FAM171A1: variants seen among roughly 807,000 people sequenced by gnomAD.
The protein encoded by FAM171A1 is protein FAM171A1.
In FAM171A1, 23 loss-of-function variants were observed where a neutral mutation model predicts 74.9. The ratio of observed to expected loss-of-function variants is 0.31; its 90% confidence interval spans 0.22 to 0.44. The LOEUF (loss-of-function observed/expected upper bound fraction) is 0.44. FAM171A1 is among the 20% of genes least tolerant of loss of function. FAM171A1 has a pLI of 1.00. For synonymous variants in FAM171A1, 527 were observed against 505.7 expected (o/e 1.04, Z -0.57); for missense variants, 1,162 against 1,159.2 (o/e 1.00, Z -0.03).
chr10:15,243,402 T>G lies in FAM171A1; in HGVS notation c.754+5237A>C, dbSNP rs185912381. Among the ~76,000 whole-genome samples, 163 of 152,284 alleles carry G rather than the reference T, an allele frequency of 1.1e-3. 2 individuals carry two copies. Among genetic ancestry groups the G allele is most frequent in the Non-Finnish European group, 2.5e-4 (17 of 68,026 alleles). ...GGTAATATCCACAGGGCCTGGAGAT[T>G]AGGATGCAGAGATAGTTCCATCTGC... On this transcript the variant is annotated intron_variant, in intron 5 of 7. Transcript: ENST00000378116.
intron 1 of FAM171A1, among the ~76,000 whole-genome samples, chr10:15,297,934 A>C (rs1056248213): frequency 3.3e-5 from 5 of 152,216 alleles, no homozygotes; most frequent in African/African-American, 1.2e-4. Context: ...TATTTAGGGA[A>C]ATATACCAGG....
intron 1 of FAM171A1, among the ~76,000 whole-genome samples, chr10:15,350,782 A>G (rs1835868571): frequency 1.3e-5 from 2 of 151,952 alleles, no homozygotes; most frequent in Non-Finnish European, 2.9e-5. Context: ...AGCTGGAATT[A>G]CAGGTGTGTA....
chr10:15,237,270 G>A (rs1190180192), intron 5 of FAM171A1, among the ~76,000 whole-genome samples: 5 of 152,052 alleles, frequency 3.3e-5, no homozygotes, highest in Non-Finnish European at 7.4e-5. Flanking sequence ...AAAATGATAC[G>A]TTAAGAGACC....
intron 5 of FAM171A1, among the ~76,000 whole-genome samples, chr10:15,236,853 A>G (rs1212355012): frequency 6.7e-6 from 1 of 149,436 alleles, no homozygotes; most frequent in Non-Finnish European, 1.5e-5. Flanking sequence ...GCACTTTGGG[A>G]GGCTGAGGCA....
intron 3 of FAM171A1, among the ~76,000 whole-genome samples, chr10:15,259,984 C>A (rs1240749136): frequency 6.6e-6 from 1 of 152,034 alleles, no homozygotes; most frequent in Non-Finnish European, 1.5e-5. Context: ...TGCCACAACA[C>A]CTGGCTAATT....
intron 1 of FAM171A1, among the ~76,000 whole-genome samples, chr10:15,335,799 A>T (rs1835693304): frequency 6.6e-6 from 1 of 152,228 alleles, no homozygotes; most frequent in South Asian, 2.1e-4. Flanking sequence ...AAAATGGAGT[A>T]AAAATGTGTG....
intron 3 of FAM171A1, among the ~76,000 whole-genome samples, chr10:15,263,519 C>A (rs563071667): frequency 9.2e-5 from 14 of 152,330 alleles, no homozygotes; most frequent in Middle Eastern, 3.4e-3. Context: ...TTTTGTGACA[C>A]TGAGCGCATT....
chr10:15,219,392 C>T (rs559878261), intron 6 of FAM171A1, among the ~76,000 whole-genome samples: 14 of 152,302 alleles, frequency 9.2e-5, no homozygotes, highest in Non-Finnish European at 1.9e-4. Flanking sequence ...TGAAATACAT[C>T]TAAAATTAAA....
rs1233759771 is a variant in FAM171A1 at position 15,216,171 on chromosome 10, T to C, written c.872-61A>G. 8 of 1,078,188 alleles carry C rather than the reference T, an allele frequency of 7.4e-6. No individual in the cohort carries two copies. In the East Asian group the frequency reaches 2.0e-4, roughly 27 times the overall value. 66.8% of individuals were successfully genotyped at this position (1,078,188 alleles called of 1,614,324 possible). Reference sequence around the variant, plus strand: ...CACCTTTAACTCAAAAGAGGGATCATTCATTGAGAACGCAGTGTCTTGTGC... The same window carrying C: ...CACCTTTAACTCAAAAGAGGGATCACTCATTGAGAACGCAGTGTCTTGTGC... On this transcript the variant is annotated intron_variant, in intron 6 of 7. Coordinates refer to ENST00000378116, the MANE Select transcript of FAM171A1 (RefSeq NM_001010924.2).
At chr10:15,275,803 T>C in intron 3 of FAM171A1, 52 bp downstream of exon 3, 1 of 1,210,996 alleles carries the variant, frequency 8.3e-7, no homozygotes, top group Non-Finnish European at 1.2e-6. Flanking sequence ...ATGTATACAA[T>C]AATGTATCCA....
intron 1 of FAM171A1, among the ~76,000 whole-genome samples, chr10:15,284,444 A>T (rs1178675909): frequency 4.6e-5 from 7 of 152,008 alleles, no homozygotes; most frequent in African/African-American, 1.4e-4. Context: ...GTGTGTTTTG[A>T]AACAGTCTCA....
chr10:15,369,030 T>C (rs905117252), intron 1 of FAM171A1, among the ~76,000 whole-genome samples: 1 of 152,094 alleles, frequency 6.6e-6, no homozygotes, highest in Admixed American at 6.5e-5. Flanking sequence ...TATGCCAAGA[T>C]ACTTGATCTC....
intron 5 of FAM171A1, among the ~76,000 whole-genome samples, chr10:15,222,169 C>T (rs542553063): frequency 6.6e-5 from 10 of 152,176 alleles, no homozygotes; most frequent in Non-Finnish European, 1.5e-4. Flanking sequence ...GTGCAGCTCA[C>T]CTCTCTCCTA....
chr10:15,266,248 A>G (rs1056930882), intron 3 of FAM171A1, among the ~76,000 whole-genome samples: 1 of 152,178 alleles, frequency 6.6e-6, no homozygotes, highest in Non-Finnish European at 1.5e-5. Context: ...AATCCCAGGA[A>G]AAGAAAGGGG....
chr10:15,253,868 A>C (rs369128173), intron 4 of FAM171A1, among the ~76,000 whole-genome samples: 5 of 152,308 alleles, frequency 3.3e-5, no homozygotes, highest in African/African-American at 1.2e-4. Flanking sequence ...TCCAGTGCAA[A>C]GGGGTCCAGA....
chr10:15,341,188 G>A (rs1422352376), intron 1 of FAM171A1, among the ~76,000 whole-genome samples: 1 of 152,194 alleles, frequency 6.6e-6, no homozygotes, highest in East Asian at 1.9e-4. Context: ...GGAGACAAAA[G>A]CTTTAAACTG....
At chr10:15,330,449 C>G (rs562058351) in intron 1 of FAM171A1, among the ~76,000 whole-genome samples, 2 of 152,200 alleles carry the variant, frequency 1.3e-5, no homozygotes, top group South Asian at 4.2e-4. Flanking sequence ...AGAGAAAAAG[C>G]AGATGTGACA....
At chr10:15,373,337 G>A (rs1836171535), upstream of FAM171A1, among the ~76,000 whole-genome samples, 1 of 152,132 alleles carries the variant, frequency 6.6e-6, no homozygotes, top group Non-Finnish European at 1.5e-5. Context: ...TCACTGAACT[G>A]GAGCTATTTC....
chr10:15,250,514 C>T (rs1200044730), intron 4 of FAM171A1, among the ~76,000 whole-genome samples: 3 of 152,222 alleles, frequency 2.0e-5, no homozygotes, highest in South Asian at 2.1e-4. Context: ...GTAATACTGG[C>T]ACTTTGGGAG....
Sources: gnomAD v4.1 joint callset for allele counts (sites outside exome capture counted in the v4.1 genomes callset) on GRCh38, gnomAD v4.1.1 for gene constraint, MANE v1.5 for transcripts, NCBI Gene and HGNC (gene_info 2026-07-23, HGNC 2026-07-21) for gene names.